The following CFAP58 variants were observed in gnomAD, a reference collection of about 807,000 sequenced individuals.
CFAP58 encodes the protein cilia and flagella associated protein 58.
In CFAP58, 88 loss-of-function variants were observed where a neutral mutation model predicts 119.5. That is an observed-to-expected ratio of 0.74 (90% CI 0.62 to 0.88). CFAP58 has a LOEUF of 0.88. Ranked by LOEUF, CFAP58 falls within the 40% of genes least tolerant of loss-of-function variation. The pLI is 0.00. For missense variants in CFAP58, 990 were observed against 1,021.2 expected, an observed-to-expected ratio of 0.97 and a Z score of 0.42; for synonymous variants, 365 against 366.3, an observed-to-expected ratio of 1.00 and a Z score of 0.04.
the CFAP58 span, among the ~76,000 whole-genome samples, chr10:104,340,452 C>T: frequency 6.6e-6 from 1 of 152,202 alleles, no homozygotes; most frequent in East Asian, 1.9e-4. Flanking sequence ...GTCTTCCTGT[C>T]TCAGAACAGG....
At chr10:104,426,717 C>T (rs942771035) in intron 15 of CFAP58, among the ~76,000 whole-genome samples, 1 of 152,136 alleles carries the variant, frequency 6.6e-6, no homozygotes, top group African/African-American at 2.4e-5. Flanking sequence ...ATTTTCACCC[C>T]ATTACATGTT....
chr10:104,384,296 G>A (rs2011879265), intron 9 of CFAP58, among the ~76,000 whole-genome samples: 1 of 152,178 alleles, frequency 6.6e-6, no homozygotes, highest in Non-Finnish European at 1.5e-5. Context: ...ATTGGGAGGT[G>A]GACTGGGACT....
Position 104,370,982 on chromosome 10 carries a change from A to C in CFAP58, c.1018A>C (p.Thr340Pro). ...REQIHKKLHH[T>P]EDQKAEVEQH... is the part of the protein sequence containing the mutation. Reference sequence around the variant, plus strand: ...ACAAATTCATAAGAAATTGCACCACACCGAAGATCAAAAGGCAGAAGTCGA... The same window carrying C: ...ACAAATTCATAAGAAATTGCACCACCCCGAAGATCAAAAGGCAGAAGTCGA... The change falls in exon 7 of 18, where the codon ACC (threonine) becomes CCC (proline). Residue 340 changes from threonine (T) to proline (P), a missense_variant. Physicochemically the swap from Thr to Pro is conservative, Grantham distance 38. Coordinates refer to ENST00000369704, the MANE Select transcript of CFAP58 (RefSeq NM_001008723.2). 1.2e-6 allele frequency: 2 copies of C among 1,613,772 alleles called. No homozygotes were observed. The highest frequency in any genetic ancestry group is 1.7e-6 in the Non-Finnish European group (2 of 1,179,924).
chr10:104,369,438 A>G (rs975648422), intron 6 of CFAP58, among the ~76,000 whole-genome samples: 4 of 152,204 alleles, frequency 2.6e-5, no homozygotes, highest in Non-Finnish European at 5.9e-5. Context: ...GAATTAAAAC[A>G]TCTTAGAAAT....
intron 15 of CFAP58, among the ~76,000 whole-genome samples, chr10:104,432,917 A>T (rs1011394643): frequency 6.6e-6 from 1 of 152,214 alleles, no homozygotes; most frequent in Non-Finnish European, 1.5e-5. Flanking sequence ...CAGAAATTCT[A>T]CTTGAAGGAT....
chr10:104,358,691 C>T (rs961699376), intron 2 of CFAP58, 69 bp downstream of exon 2: 12 of 1,413,844 alleles, frequency 8.5e-6, no homozygotes, highest in Non-Finnish European at 1.2e-5. Flanking sequence ...ATTGGCACCT[C>T]TAGGCTGGTA....
Position 104,454,564 on chromosome 10 carries a change from T to A in CFAP58, c.*34T>A. On this transcript the variant is annotated 3_prime_UTR_variant, in exon 18 of 18. Transcript: ENST00000369704. ...TGCTGGCTGTTTCCAGTTGAACAAC[T>A]CATGAAATCTGCTCTGGGACATTTT... The A allele has an allele frequency of 6.8e-7, 1 of 1,471,290 alleles. No homozygotes were observed. Among genetic ancestry groups the A allele is most frequent in the South Asian group, 1.1e-5 (1 of 88,336 alleles). The allele number at this position is 1,471,290 out of a possible 1,614,324, so 91.1% of individuals were successfully genotyped here.
At chr10:104,434,874 A>T (rs192123945) in intron 15 of CFAP58, among the ~76,000 whole-genome samples, 4 of 152,198 alleles carry the variant, frequency 2.6e-5, no homozygotes, top group Non-Finnish European at 4.4e-5. Flanking sequence ...AGGAAGGAGC[A>T]TGGTCTTTTG....
At position 104,376,883 on chromosome 10, in the gene CFAP58, T is replaced by C. The variant is rs1203509876; in HGVS notation, c.1163T>C (p.Ile388Thr). ...GACGAGCTTCTAAGAGAAAGGGACA[T>C]ACTAAATAAGGTGAGTGTGTTACAG... ...AMDELLRERD[I>T]LNKNMLKAVN... Residue 388 changes from isoleucine to threonine, a missense_variant, in exon 8 of 18, where the codon ATA becomes ACA. Ile to Thr is a moderately conservative substitution (Grantham distance 89). Transcript: ENST00000369704. 1 of 1,611,212 alleles carries C rather than the reference T, an allele frequency of 6.2e-7. No homozygotes were observed. The highest frequency in any genetic ancestry group is 2.2e-5 in the East Asian group (1 of 44,820).
intron 15 of CFAP58, among the ~76,000 whole-genome samples, chr10:104,408,548 T>A (rs948034431): frequency 6.6e-6 from 1 of 152,224 alleles, no homozygotes; most frequent in South Asian, 2.1e-4. Flanking sequence ...ACTCCAGAGC[T>A]CATGCTTTCT....
chr10:104,413,276 G>A (rs1244928664), intron 15 of CFAP58, among the ~76,000 whole-genome samples: 1 of 152,184 alleles, frequency 6.6e-6, no homozygotes, highest in Non-Finnish European at 1.5e-5. Context: ...TGGGTTTATG[G>A]ATCTGTAAAC....
intron 1 of CFAP58, among the ~76,000 whole-genome samples, chr10:104,358,020 CAT>C (rs375880516): frequency 0.28 from 38,886 of 138,766 alleles, 6,411 homozygotes; most frequent in Middle Eastern, 0.34. Context: ...CATATATGTA[CAT>C]ATATATACAT....
the CFAP58 span, among the ~76,000 whole-genome samples, chr10:104,338,614 T>C: frequency 1.6e-4 from 25 of 152,054 alleles, no homozygotes; most frequent in African/African-American, 6.0e-4. Context: ...CCCCAGAAAC[T>C]TCCCCGGCAC....
chr10:104,440,350 A>T (rs912965190), intron 15 of CFAP58, among the ~76,000 whole-genome samples: 2 of 39,270 alleles, frequency 5.1e-5, no homozygotes, highest in African/African-American at 2.0e-4. Context: ...TTGAATTTTA[A>T]AAAAACCACA....
chr10:104,434,712 T>A (rs1342258895), intron 15 of CFAP58, among the ~76,000 whole-genome samples: 1 of 152,238 alleles, frequency 6.6e-6, no homozygotes, highest in Admixed American at 6.5e-5. Context: ...TGATGAAATC[T>A]CAGTGGACTT....
intron 5 of CFAP58, among the ~76,000 whole-genome samples, chr10:104,367,670 G>T (rs935878891): frequency 2.0e-5 from 3 of 152,112 alleles, no homozygotes; most frequent in African/African-American, 7.2e-5. Context: ...TTCTTTTCAT[G>T]CTTAATTTTT....
At chr10:104,417,058 A>G (rs1034472949) in intron 15 of CFAP58, among the ~76,000 whole-genome samples, 2 of 152,208 alleles carry the variant, frequency 1.3e-5, no homozygotes, top group African/African-American at 4.8e-5. Context: ...GGCTTAATGA[A>G]TAAGAATCTG....
At chr10:104,451,299 T>TA (rs1388997217) in intron 17 of CFAP58, among the ~76,000 whole-genome samples, 41 of 152,308 alleles carry the variant, frequency 2.7e-4, no homozygotes, top group Admixed American at 9.8e-4. Flanking sequence ...CATTTGCCAG[T>TA]AAAAGTCTGC....
intron 9 of CFAP58, among the ~76,000 whole-genome samples, chr10:104,385,003 A>T (rs2011892627): frequency 6.6e-6 from 1 of 152,154 alleles, no homozygotes; most frequent in Non-Finnish European, 1.5e-5. Flanking sequence ...GAAAACAGTG[A>T]TGTCCAATAT....
Sources: allele counts gnomAD v4.1 joint callset (sites outside exome capture counted in the v4.1 genomes callset), GRCh38; gene constraint gnomAD v4.1.1; transcripts MANE v1.5; gene names NCBI Gene and HGNC (gene_info 2026-07-23, HGNC 2026-07-21).